OVOL1: variants seen among roughly 807,000 people sequenced by gnomAD.
The protein encoded by OVOL1 is putative transcription factor Ovo-like 1.
In OVOL1, 10 loss-of-function variants were observed where a neutral mutation model predicts 21.5. The observed-to-expected ratio is 0.46, with a 90% CI of 0.29 to 0.79. The LOEUF is 0.79. OVOL1 is among the 30% of genes least tolerant of loss of function. The probability of loss-of-function intolerance (pLI) is 0.10; values close to 1 mark genes in which losing one functional copy is unlikely to be tolerated. For missense variants in OVOL1, 279 were observed against 362.3 expected, an observed-to-expected ratio of 0.77 and a Z score of 1.87; for synonymous variants, 129 against 150.3, an observed-to-expected ratio of 0.86 and a Z score of 1.03.
intron 1 of OVOL1, 46 bp from the exon 2 acceptor site, chr11:65,793,985 C>A: frequency 6.6e-7 from 1 of 1,510,998 alleles, no homozygotes; most frequent in Non-Finnish European, 9.2e-7. Context: ...ACCCGCTGGA[C>A]CCTCTCTTCT....
At chr11:65,792,497 C>T (rs1858040778) in intron 1 of OVOL1, 1 of 152,324 alleles carries the variant, frequency 6.6e-6, no homozygotes, top group Non-Finnish European at 1.5e-5. Context: ...CACCCCCAGC[C>T]CTGTGGGCAC....
Position 65,795,704 on chromosome 11 carries a change from C to T in OVOL1, c.*363C>T, listed in dbSNP as rs1858118912. The T allele has an allele frequency of 3.1e-6, 1 of 326,474 alleles. No homozygotes were observed. The highest frequency in any genetic ancestry group is 2.1e-5 in the African/African-American group (1 of 47,958). 20.2% of individuals were successfully genotyped at this position (326,474 alleles called of 1,614,324 possible). Reference sequence around the variant, plus strand: ...CCAGAGGAGGTTCGAGCTAGGATCCCACTGCCCCCGCCTCTCAGCACAGGG... The same window carrying T: ...CCAGAGGAGGTTCGAGCTAGGATCCTACTGCCCCCGCCTCTCAGCACAGGG... On this transcript the variant is annotated 3_prime_UTR_variant, in exon 4 of 4. Coordinates refer to ENST00000335987, the MANE Select transcript of OVOL1 (RefSeq NM_004561.4). This position sits in a 1 kb window ranked among gnomAD's most constrained non-coding sequence, Gnocchi z 5.7.
chr11:65,789,856 C>G (rs1857975185), intron 1 of OVOL1: 1 of 188,960 alleles, frequency 5.3e-6, no homozygotes. Flanking sequence ...TGGTCCCCAG[C>G]CCGACAGCAC....
chr11:65,794,554 G>T lies in OVOL1; in HGVS notation c.335G>T (p.Ser112Ile). 6.2e-7 allele frequency: 1 copy of T among 1,613,342 alleles called. No individual in the cohort carries two copies. Among genetic ancestry groups the T allele is most frequent in the Non-Finnish European group, 8.5e-7 (1 of 1,179,992 alleles). The change falls in exon 3 of 4, where the codon AGT (serine) becomes ATT (isoleucine). Residue 112 changes from serine (S) to isoleucine (I), a missense_variant. Ser to Ile is a moderately radical substitution (Grantham distance 142). Coordinates refer to ENST00000335987, the MANE Select transcript of OVOL1 (RefSeq NM_004561.4). ...CACCCACAGGTGACCCTTGGGGACA[G>T]TCCCAGTGGAGACCTGTTCACCTGC... is the stretch of plus-strand genomic sequence containing the variant. The part of the protein sequence containing the change: ...RTKMKVTLGD[S>I]PSGDLFTCRV...
At position 65,794,234 on chromosome 11, in the gene OVOL1, C is replaced by A. The variant is rs547964049; in HGVS notation, c.304C>A (p.Arg102Ser). The change falls in exon 2 of 4, where the codon CGC (arginine) becomes AGC (serine). Residue 102 changes from arginine (R) to serine (S), a missense_variant. Coordinates refer to ENST00000335987, the MANE Select transcript of OVOL1 (RefSeq NM_004561.4). Reference protein sequence around the residue: ...DPQSRDHGFLRTKMKVTLGDS... With the variant: ...DPQSRDHGFLSTKMKVTLGDS... ...CCAGAGCAGAGACCATGGCTTCCTGCGCACCAAGATGAAGGTAATGCCACT... is the reference window on the plus strand; with the variant it reads ...CCAGAGCAGAGACCATGGCTTCCTGAGCACCAAGATGAAGGTAATGCCACT... The A allele has an allele frequency of 1.9e-6, 3 of 1,612,794 alleles. No homozygotes were observed. The highest frequency in any genetic ancestry group is 2.5e-6 in the Non-Finnish European group (3 of 1,179,718).
chr11:65,795,280 A>AGGT lies in OVOL1; in HGVS notation c.746_748dup (p.Val249dup), dbSNP rs1858109371. 1 of 1,613,124 alleles carries AGGT rather than the reference A, an allele frequency of 6.2e-7. No homozygotes were observed. Among genetic ancestry groups the AGGT allele is most frequent in the Non-Finnish European group, 8.5e-7 (1 of 1,179,916 alleles). ...CCGCTGCTGCGCAAGACCTCCAAGAAGGTGGCCGTGGCACTACAGAACACT... is the reference window on the plus strand; with the variant it reads ...CCGCTGCTGCGCAAGACCTCCAAGAAGGTGGTGGCCGTGGCACTACAGAACACT... On this transcript the variant is annotated inframe_insertion, in exon 4 of 4. Transcript: ENST00000335987. The surrounding 1 kb of genome is among the most constrained non-coding windows in gnomAD (Gnocchi z 5.7).
At chr11:65,788,095 G>T (rs1857939828) in intron 1 of OVOL1, among the ~76,000 whole-genome samples, 1 of 152,188 alleles carries the variant, frequency 6.6e-6, no homozygotes, top group Non-Finnish European at 1.5e-5. Context: ...GGCGCCCGCT[G>T]CGCCCCGCTT....
At position 65,793,856 on chromosome 11, in the gene OVOL1, A is replaced by G. The variant is rs528401211; in HGVS notation, c.101-175A>G. ...TGGCATCACCTGCAATTACCTTAAT[A>G]GGGCGGGAAGGCGGTGCAGCAGTGG... On this transcript the variant is annotated intron_variant, in intron 1 of 3. Transcript: ENST00000335987. 223 of 604,676 alleles carry G rather than the reference A, an allele frequency of 3.7e-4. No individual in the cohort carries two copies. In the African/African-American group the frequency reaches 3.8e-3, roughly 10 times the overall value. The allele number at this position is 604,676 out of a possible 1,614,324, so 37.5% of individuals were successfully genotyped here. A position where few individuals can be genotyped will look rare whatever the true frequency, so the allele number is the denominator to read the frequency against.
rs765042119 is a variant in OVOL1 at position 65,794,162 on chromosome 11, G to T, written c.232G>T (p.Val78Leu). 1.9e-6 allele frequency: 3 copies of T among 1,613,788 alleles called. No homozygotes were observed. Among genetic ancestry groups the T allele is most frequent in the Middle Eastern group, 3.3e-4 (2 of 6,062 alleles). The change falls in exon 2 of 4, where the codon GTG becomes TTG. Residue 78 changes from valine to leucine, a missense_variant. Physicochemically the swap from Val to Leu is conservative, Grantham distance 32. Coordinates refer to ENST00000335987, the MANE Select transcript of OVOL1 (RefSeq NM_004561.4). ...CTACAGCATGGCCCCCGGGCCCTGT[G>T]TGGTGGCCCAGCTGCCCTCTGAAGA... ...SSYSMAPGPCVVAQLPSEDMG... is the reference protein window; with the variant it reads ...SSYSMAPGPCLVAQLPSEDMG...
At position 65,794,719 on chromosome 11, in the gene OVOL1, C is replaced by T. The variant is rs751617829; in HGVS notation, c.500C>T (p.Thr167Ile). The change falls in exon 3 of 4, where the codon ACT becomes ATT. Residue 167 changes from threonine to isoleucine, a missense_variant. Coordinates refer to ENST00000335987, the MANE Select transcript of OVOL1 (RefSeq NM_004561.4). Reference sequence around the variant, plus strand: ...TTCGACCTCAAGAGACACGTCCGAACTCACACTGGTAAGTGGAAGCCCACG... The same window carrying T: ...TTCGACCTCAAGAGACACGTCCGAATTCACACTGGTAAGTGGAAGCCCACG... ...DTFDLKRHVR[T>I]HTGVRPYKCS... 3.1e-6 allele frequency: 5 copies of T among 1,613,390 alleles called. No homozygotes were observed. Among genetic ancestry groups the T allele is most frequent in the Admixed American group, 1.7e-5 (1 of 60,032 alleles).
intron 1 of OVOL1, among the ~76,000 whole-genome samples, chr11:65,791,804 G>A (rs1282319926): frequency 1.3e-5 from 2 of 152,214 alleles, no homozygotes; most frequent in African/African-American, 2.4e-5. Context: ...TAGTCATAGC[G>A]CCACCGCCTT....
chr11:65,788,514 T>C, intron 1 of OVOL1: 2 of 985,202 alleles, frequency 2.0e-6, no homozygotes, highest in Non-Finnish European at 2.4e-6. Flanking sequence ...ACTTTGACCC[T>C]TGATCTGCAG....
chr11:65,789,262 G>T (rs960104354), intron 1 of OVOL1: 4 of 204,370 alleles, frequency 2.0e-5, no homozygotes, highest in African/African-American at 9.4e-5. Context: ...TATGCCCCAG[G>T]GGCTTCCTGT....
Position 65,794,732 on chromosome 11 carries a change from G to A in OVOL1, c.508+5G>A. Reference sequence around the variant, plus strand: ...GACACGTCCGAACTCACACTGGTAAGTGGAAGCCCACGGCTGGGAGGAGCA... The same window carrying A: ...GACACGTCCGAACTCACACTGGTAAATGGAAGCCCACGGCTGGGAGGAGCA... On this transcript the variant is annotated splice_donor_5th_base_variant and intron_variant, in intron 3 of 3. Transcript: ENST00000335987. 6.2e-7 allele frequency: 1 copy of A among 1,612,914 alleles called. No individual in the cohort carries two copies. Among genetic ancestry groups the A allele is most frequent in the Non-Finnish European group, 8.5e-7 (1 of 1,179,650 alleles).
intron 1 of OVOL1, chr11:65,788,700 A>C (rs1419661576): frequency 1.0e-6 from 1 of 985,282 alleles, no homozygotes; most frequent in African/African-American, 1.7e-5. Context: ...CGCTGGCAGG[A>C]TGTTTCACAG....
chr11:65,794,968 C>A, intron 3 of OVOL1, 78 bp from the exon 4 acceptor site: 1 of 1,470,702 alleles, frequency 6.8e-7, no homozygotes, highest in Non-Finnish European at 9.2e-7. Context: ...GGGTCCTGTC[C>A]TTTCTGTGTC....
rs906791515 is a variant in OVOL1 at position 65,787,303 on chromosome 11, C to T, written c.-71C>T. ...CCCCCGTTCCCGGCGTTCAGCCCGG[C>T]CCCGCAAAGGTGGGACGGCTCCCGG... On this transcript the variant is annotated 5_prime_UTR_variant, in exon 1 of 4. Transcript: ENST00000335987. The T allele has an allele frequency of 7.7e-6, 10 of 1,297,080 alleles. No homozygotes were observed. The highest frequency in any genetic ancestry group is 7.5e-5 in the African/African-American group (5 of 66,354). 80.3% of individuals were successfully genotyped at this position (1,297,080 alleles called of 1,614,324 possible).
At position 65,794,716 on chromosome 11, in the gene OVOL1, G is replaced by A. The variant is rs947339314; in HGVS notation, c.497G>A (p.Arg166Gln). Residue 166 changes from arginine to glutamine, a missense_variant, in exon 3 of 4, where the codon CGA becomes CAA. Coordinates refer to ENST00000335987, the MANE Select transcript of OVOL1 (RefSeq NM_004561.4). ...NDTFDLKRHV[R>Q]THTGVRPYKC... ...ACCTTCGACCTCAAGAGACACGTCC[G>A]AACTCACACTGGTAAGTGGAAGCCC... 3 of 1,613,376 alleles carry A rather than the reference G, an allele frequency of 1.9e-6. No individual in the cohort carries two copies. The highest frequency in any genetic ancestry group is 2.5e-6 in the Non-Finnish European group (3 of 1,179,944).
intron 1 of OVOL1, among the ~76,000 whole-genome samples, chr11:65,788,208 A>AC (rs1398381112): frequency 2.6e-5 from 4 of 152,104 alleles, no homozygotes; most frequent in Non-Finnish European, 5.9e-5. Flanking sequence ...CAGGGAGCCC[A>AC]CCCCACAGCG....
Sources: allele counts gnomAD v4.1 joint callset (sites outside exome capture counted in the v4.1 genomes callset), GRCh38; gene constraint gnomAD v4.1.1; non-coding constraint Gnocchi (gnomAD v3.1); transcripts MANE v1.5; gene names NCBI Gene and HGNC (gene_info 2026-07-23, HGNC 2026-07-21).